Variants in KIAA0930 observed in about 807,000 individuals in gnomAD.
KIAA0930 encodes uncharacterized protein KIAA0930.
A neutral mutation model predicts 43.9 loss-of-function variants in KIAA0930; 24 were observed. That is an observed-to-expected ratio of 0.55 (90% CI 0.40 to 0.77). The LOEUF is 0.77. Ranked by LOEUF, KIAA0930 falls within the 30% of genes least tolerant of loss-of-function variation. The pLI, the probability that KIAA0930 is intolerant of heterozygous loss-of-function variation, is 0.00. For synonymous variants in KIAA0930, 259 were observed against 216.4 expected, an observed-to-expected ratio of 1.20 and a Z score of -1.73; for missense variants, 461 against 574.2, an observed-to-expected ratio of 0.80 and a Z score of 2.02.
At position 45,199,656 on chromosome 22, in the gene KIAA0930, G is replaced by A. The variant is rs963926484; in HGVS notation, c.1015+217C>T. ...GCTCCAAGCACTCTGCCAAGGAGAC[G>A]CCTGAGCCCACCAGGACGGGACCCC... is the stretch of plus-strand genomic sequence containing the variant. On this transcript the variant is annotated intron_variant, in intron 8 of 9. Transcript: ENST00000336156. 2.0e-4 allele frequency among the ~76,000 whole-genome samples: 30 copies of A among 152,148 alleles called. 1 individual carries two copies. The highest frequency in any genetic ancestry group is 1.6e-4 in the Non-Finnish European group (11 of 68,034).
chr22:45,232,196 T>C (rs1327399613), intron 1 of KIAA0930, among the ~76,000 whole-genome samples: 1 of 152,242 alleles, frequency 6.6e-6, no homozygotes, highest in Non-Finnish European at 1.5e-5. Flanking sequence ...TCAGCACTGC[T>C]GTGAGGACAC....
chr22:45,229,487 G>A (rs940850024), intron 1 of KIAA0930, among the ~76,000 whole-genome samples: 2 of 151,974 alleles, frequency 1.3e-5, no homozygotes, highest in African/African-American at 4.8e-5. Context: ...GGTGGGAGAG[G>A]GACAGGAGCC....
chr22:45,230,349 A>G (rs960854657), intron 1 of KIAA0930, among the ~76,000 whole-genome samples: 5 of 152,104 alleles, frequency 3.3e-5, no homozygotes, highest in African/African-American at 1.2e-4. Flanking sequence ...CGTTACCCCA[A>G]AATACGACAC....
At chr22:45,234,862 G>C (rs1017815435) in intron 1 of KIAA0930, among the ~76,000 whole-genome samples, 3 of 152,200 alleles carry the variant, frequency 2.0e-5, no homozygotes, top group African/African-American at 7.2e-5. Context: ...AACCTGCATA[G>C]AGAAGATCAA....
chr22:45,227,483 G>A (rs957834105), intron 1 of KIAA0930, among the ~76,000 whole-genome samples: 2 of 152,216 alleles, frequency 1.3e-5, no homozygotes, highest in African/African-American at 2.4e-5. Context: ...GTTTGAGCAT[G>A]AGAAGGGAAG....
At chr22:45,215,639 T>C (rs1218504640) in intron 1 of KIAA0930, among the ~76,000 whole-genome samples, 4 of 152,170 alleles carry the variant, frequency 2.6e-5, no homozygotes, top group Non-Finnish European at 5.9e-5. Flanking sequence ...CTATAAAGAC[T>C]ACACACAGAT....
Position 45,196,959 on chromosome 22 carries a change from C to T in KIAA0930, c.*217G>A, listed in dbSNP as rs929328666. 2.9e-5 allele frequency: 15 copies of T among 514,672 alleles called. No individual in the cohort carries two copies. The highest frequency in any genetic ancestry group is 2.8e-4 in the African/African-American group (14 of 49,574). The allele number at this position is 514,672 out of a possible 1,614,324, so 31.9% of individuals were successfully genotyped here. A position where few individuals can be genotyped will look rare whatever the true frequency, so the allele number is the denominator to read the frequency against. On this transcript the variant is annotated 3_prime_UTR_variant, in exon 10 of 10. Coordinates refer to ENST00000336156, the MANE Select transcript of KIAA0930 (RefSeq NM_001009880.2). The surrounding 1 kb of genome is among the most constrained non-coding windows in gnomAD (Gnocchi z 4.1). ...GGTGGGGGGCGATGGGCGGGGGGCA[C>T]AGGGCGGAGCAGCGCCAGCAGGGGA... is the stretch of plus-strand genomic sequence containing the variant.
At chr22:45,235,685 C>A (rs751542628) in intron 1 of KIAA0930, among the ~76,000 whole-genome samples, 2 of 152,170 alleles carry the variant, frequency 1.3e-5, no homozygotes, top group African/African-American at 4.8e-5. Context: ...GGACTGCACC[C>A]GACTCCACAC....
At chr22:45,222,827 C>T (rs142621349) in intron 1 of KIAA0930, among the ~76,000 whole-genome samples, 9 of 152,182 alleles carry the variant, frequency 5.9e-5, no homozygotes, top group Non-Finnish European at 1.0e-4. Context: ...TTTTAGAACA[C>T]AAAAACATGC....
intron 5 of KIAA0930, 132 bp downstream of exon 5, chr22:45,205,085 T>G (rs993071979): frequency 3.9e-5 from 27 of 697,790 alleles, no homozygotes; most frequent in Non-Finnish European, 6.6e-5. Context: ...GAGCCACATC[T>G]GCCTCAGCCG....
At chr22:45,239,083 C>G (rs1044555803) in intron 1 of KIAA0930, among the ~76,000 whole-genome samples, 2 of 152,170 alleles carry the variant, frequency 1.3e-5, no homozygotes, top group African/African-American at 4.8e-5. Flanking sequence ...AGCCTCCTTG[C>G]GGGAGGGGCT....
intron 8 of KIAA0930, 198 bp from the exon 9 acceptor site, chr22:45,198,146 C>T: frequency 1.7e-6 from 1 of 585,780 alleles, no homozygotes; most frequent in African/African-American, 1.9e-5. Flanking sequence ...TTCCTCTGGC[C>T]CAGACCCAGG....
At chr22:45,210,404 G>A (rs536201174) in intron 2 of KIAA0930, among the ~76,000 whole-genome samples, 9 of 152,226 alleles carry the variant, frequency 5.9e-5, no homozygotes, top group Admixed American at 2.6e-4. Flanking sequence ...TGAGGGTCAC[G>A]GGCAGTGAGG....
chr22:45,213,962 G>A (rs1449635665), intron 1 of KIAA0930, among the ~76,000 whole-genome samples: 1 of 152,106 alleles, frequency 6.6e-6, no homozygotes, highest in Admixed American at 6.5e-5. Context: ...AGTGAGCCGA[G>A]ATCGCACCAT....
chr22:45,212,413 A>T, intron 1 of KIAA0930: 1 of 1,548,768 alleles, frequency 6.5e-7, no homozygotes, highest in Non-Finnish European at 8.7e-7. Context: ...GAAAAGGAAA[A>T]TCCCGAGGAG....
chr22:45,230,073 G>C (rs896789379), intron 1 of KIAA0930, among the ~76,000 whole-genome samples: 1 of 152,202 alleles, frequency 6.6e-6, no homozygotes, highest in Non-Finnish European at 1.5e-5. Context: ...TCCAGCCTGG[G>C]TGACAGTGAC....
intron 1 of KIAA0930, among the ~76,000 whole-genome samples, chr22:45,240,132 G>A (rs535075774): frequency 6.6e-6 from 1 of 152,330 alleles, no homozygotes; most frequent in African/African-American, 2.4e-5. Flanking sequence ...GGGATGAGAG[G>A]GGCCGGTGGG....
At chr22:45,202,904 T>TC in intron 7 of KIAA0930, 86 bp downstream of exon 7, 2 of 1,157,544 alleles carry the variant, frequency 1.7e-6, no homozygotes, top group South Asian at 3.1e-5. Context: ...AACACCTATG[T>TC]CCCCAGGGGG....
chr22:45,222,776 G>A (rs1411092985), intron 1 of KIAA0930, among the ~76,000 whole-genome samples: 1 of 150,678 alleles, frequency 6.6e-6, no homozygotes, highest in Non-Finnish European at 1.5e-5. Flanking sequence ...CAATGCATAA[G>A]AAAATAAAAT....
Sources: gnomAD v4.1 joint callset for allele counts (sites outside exome capture counted in the v4.1 genomes callset) on GRCh38, gnomAD v4.1.1 for gene constraint, Gnocchi (gnomAD v3.1) non-coding constraint, MANE v1.5 for transcripts, NCBI Gene and HGNC (gene_info 2026-07-23, HGNC 2026-07-21) for gene names.